Variants in TNKS observed in about 807,000 individuals in gnomAD.
TNKS encodes poly [ADP-ribose] polymerase tankyrase-1.
Under a neutral mutation model 135.8 loss-of-function variants are expected in TNKS, and 72 were observed. That is an observed-to-expected ratio of 0.53 (90% confidence interval 0.44 to 0.64). TNKS has a LOEUF of 0.64. Ranked by LOEUF, TNKS falls within the 30% of genes least tolerant of loss-of-function variation. The pLI is 0.00. For missense variants in TNKS, 1,769 were observed against 1,674.0 expected, an observed-to-expected ratio of 1.06 and a Z score of -0.99; for synonymous variants, 849 against 649.3, an observed-to-expected ratio of 1.31 and a Z score of -4.68.
At chr8:9,624,041 A>AACAACAACAAC (rs1554452219) in intron 3 of TNKS, among the ~76,000 whole-genome samples, 1 of 151,524 alleles carries the variant, frequency 6.6e-6, no homozygotes, top group Admixed American at 6.6e-5. Flanking sequence ...ACAACAACAA[A>AACAACAACAAC]AAACAACTAA....
At chr8:9,773,864 T>C (rs1390225649) in intron 26 of TNKS, among the ~76,000 whole-genome samples, 1 of 152,240 alleles carries the variant, frequency 6.6e-6, no homozygotes, top group African/African-American at 2.4e-5. Flanking sequence ...TACTTTCTCA[T>C]GAGCAGTTTT....
At chr8:9,741,736 C>G (rs1384983949) in intron 17 of TNKS, 1 of 529,788 alleles carries the variant, frequency 1.9e-6, no homozygotes, top group East Asian at 5.5e-5. Flanking sequence ...CAGTGGTTCT[C>G]TTGTGGCTCA....
In TNKS at chr8:9,777,629, TGC is replaced by T. The variant is rs1314959489; in HGVS notation, c.*894_*895del. ...ACTGGGGAGGCTGTGAAGGAAGAGC[TGC>T]ATTAAGGAGGGTGAGGAGCGTGTGG... On this transcript the variant is annotated 3_prime_UTR_variant, in exon 27 of 27. Coordinates refer to ENST00000310430, the MANE Select transcript of TNKS (RefSeq NM_003747.3). 6.6e-6 allele frequency: 1 copy of T among 152,334 alleles called. No homozygotes were observed. Among genetic ancestry groups the T allele is most frequent in the Non-Finnish European group, 1.5e-5 (1 of 68,172 alleles). The allele number at this position is 152,334 out of a possible 1,614,324, so 9.4% of individuals were successfully genotyped here.
At position 9,775,459 on chromosome 8, in the gene TNKS, CTATATATATATATATATATATATA is replaced by C. The variant is rs59789406; in HGVS notation, c.3898-1169_3898-1146del. On this transcript the variant is annotated intron_variant, in intron 26 of 26. Coordinates refer to ENST00000310430, the MANE Select transcript of TNKS (RefSeq NM_003747.3). ...ACGGAAAAGAATATTATGAATGGTTCTATATATATATATATATATATATATATATATATATATATATATATGTAG... is the reference window on the plus strand; with the variant it reads ...ACGGAAAAGAATATTATGAATGGTTCTATATATATATATATATATATGTAG... 8.8e-4 allele frequency among the ~76,000 whole-genome samples: 71 copies of C among 80,620 alleles called. 4 individuals carry two copies. Among genetic ancestry groups the C allele is most frequent in the Admixed American group, 2.6e-3 (17 of 6,434 alleles). The allele number at this position is 80,620 out of a possible 152,430, so 52.9% of individuals were successfully genotyped here. A position where few individuals can be genotyped will look rare whatever the true frequency, so the allele number is the denominator to read the frequency against.
At chr8:9,563,763 T>A (rs1268123316) in intron 1 of TNKS, among the ~76,000 whole-genome samples, 1 of 152,230 alleles carries the variant, frequency 6.6e-6, no homozygotes, top group Non-Finnish European at 1.5e-5. Context: ...TTGATTATAA[T>A]TTTGTCTGCT....
chr8:9,576,276 A>G (rs768215169), intron 1 of TNKS, among the ~76,000 whole-genome samples: 28 of 152,250 alleles, frequency 1.8e-4, no homozygotes, highest in Middle Eastern at 3.4e-3. Context: ...ACACTGCTAT[A>G]AAGAACTACC....
At chr8:9,721,982 G>A (rs1045953505) in intron 12 of TNKS, among the ~76,000 whole-genome samples, 1 of 151,710 alleles carries the variant, frequency 6.6e-6, no homozygotes, top group Non-Finnish European at 1.5e-5. Flanking sequence ...GAACCTAGGA[G>A]ACGGAGGTTG....
chr8:9,650,561 G>A (rs1270904166), intron 3 of TNKS, among the ~76,000 whole-genome samples: 1 of 152,116 alleles, frequency 6.6e-6, no homozygotes, highest in African/African-American at 2.4e-5. Context: ...GCATTTCCCT[G>A]ATAGTAATGT....
rs552673180 is a variant in TNKS at position 9,730,044 on chromosome 8, G to A, written c.2002-846G>A. ...CCTGCCTTGGCCTCCCAAAGTGCTG[G>A]GATTGCAGGCGTGAGCCAACGCACC... On this transcript the variant is annotated intron_variant, in intron 13 of 26. Coordinates refer to ENST00000310430, the MANE Select transcript of TNKS (RefSeq NM_003747.3). Among the ~76,000 whole-genome samples, 13 of 152,106 alleles carry A rather than the reference G, an allele frequency of 8.5e-5. No individual in the cohort carries two copies. The South Asian group carries it at 2.7e-3, about 32-fold the overall frequency.
At chr8:9,581,005 C>A (rs1479932027) in intron 2 of TNKS, among the ~76,000 whole-genome samples, 1 of 152,178 alleles carries the variant, frequency 6.6e-6, no homozygotes, top group South Asian at 2.1e-4. Context: ...ATTTTGAAAT[C>A]TAAAAAGCTT....
intron 2 of TNKS, among the ~76,000 whole-genome samples, chr8:9,586,761 G>A (rs1033568409): frequency 2.7e-5 from 4 of 146,440 alleles, no homozygotes; most frequent in African/African-American, 7.5e-5. Flanking sequence ...GTGTGTGTGT[G>A]TATGAAGTTA....
chr8:9,769,949 A>T (rs933055408), intron 25 of TNKS, among the ~76,000 whole-genome samples, 157 bp from the exon 26 acceptor site: 2 of 152,202 alleles, frequency 1.3e-5, no homozygotes, highest in African/African-American at 2.4e-5. Flanking sequence ...GCAAATCATT[A>T]TATCAAATTC....
At chr8:9,774,045 C>A (rs114808896) in intron 26 of TNKS, among the ~76,000 whole-genome samples, 1 of 152,032 alleles carries the variant, frequency 6.6e-6, no homozygotes, top group South Asian at 2.1e-4. Flanking sequence ...GGGAATGTTT[C>A]TTTCTTGAAG....
intron 5 of TNKS, among the ~76,000 whole-genome samples, chr8:9,690,676 A>C (rs572866888): frequency 2.0e-5 from 3 of 151,696 alleles, no homozygotes; most frequent in African/African-American, 7.3e-5. Flanking sequence ...AATCATTTGA[A>C]CCTGGGAATA....
rs541474887 is a variant in TNKS, at chr8:9,660,836, C to T, written c.995-19115C>T. 2.7e-4 allele frequency among the ~76,000 whole-genome samples: 41 copies of T among 152,256 alleles called. No homozygotes were observed. The South Asian group carries it at 6.2e-3, about 23-fold the overall frequency. ...ATGACATGATTGTATATCTAGAAAA[C>T]CCCATCGTTTCAGCCCAAAATCTCC... On this transcript the variant is annotated intron_variant, in intron 3 of 26. Coordinates refer to ENST00000310430, the MANE Select transcript of TNKS (RefSeq NM_003747.3).
chr8:9,626,771 G>C (rs1316403762), intron 3 of TNKS, among the ~76,000 whole-genome samples: 2 of 152,128 alleles, frequency 1.3e-5, no homozygotes, highest in African/African-American at 4.8e-5. Context: ...TTTAATTATT[G>C]CTGCCTCTCC....
intron 14 of TNKS, among the ~76,000 whole-genome samples, chr8:9,731,686 T>G (rs147914662): frequency 6.6e-6 from 1 of 152,306 alleles, no homozygotes; most frequent in African/African-American, 2.4e-5. Flanking sequence ...AGTTTACTTT[T>G]TTCCACTCAG....
intron 2 of TNKS, among the ~76,000 whole-genome samples, chr8:9,597,190 C>T (rs1203612517): frequency 6.6e-6 from 1 of 152,166 alleles, no homozygotes; most frequent in African/African-American, 2.4e-5. Flanking sequence ...GCTTCAGTTT[C>T]TTAATTATAA....
chr8:9,628,387 A>T (rs1012290705), intron 3 of TNKS, among the ~76,000 whole-genome samples: 2 of 152,060 alleles, frequency 1.3e-5, no homozygotes, highest in African/African-American at 2.4e-5. Flanking sequence ...TGAGTTTTTT[A>T]AGAAACTCTG....
Sources: allele counts gnomAD v4.1 joint callset (sites outside exome capture counted in the v4.1 genomes callset), GRCh38; gene constraint gnomAD v4.1.1; transcripts MANE v1.5; gene names NCBI Gene and HGNC (gene_info 2026-07-23, HGNC 2026-07-21).